The following NXNL1 variants were observed in gnomAD, a reference collection of about 807,000 sequenced individuals.
The protein encoded by NXNL1 is nucleoredoxin-like protein 1.
In NXNL1, 6 loss-of-function variants were observed where a neutral mutation model predicts 7.2. The observed-to-expected ratio is 0.83, with a 90% CI of 0.46 to 1.64. The LOEUF (loss-of-function observed/expected upper bound fraction) is 1.64, where lower values mean the gene tolerates loss of function less well. Among genes scored for constraint, NXNL1 ranks in the 40% most tolerant of loss-of-function variants. The pLI is 0.01. For missense variants in NXNL1, 308 were observed against 285.1 expected (o/e 1.08, Z -0.58); for synonymous variants, 133 against 127.2 (o/e 1.05, Z -0.31).
chr19:17,458,075 T>C (rs2074999274), intron 1 of NXNL1, among the ~76,000 whole-genome samples: 1 of 152,186 alleles, frequency 6.6e-6, no homozygotes, highest in Non-Finnish European at 1.5e-5. Context: ...AGACAAAGTG[T>C]ATATGTGTCT....
In NXNL1 at chr19:17,455,648, C is replaced by A; in HGVS notation, c.638G>T (p.Ter213LeuextTer12). Reference protein sequence around the residue: ...GEEGGAGGLF* With the variant: ...GEEGGAGGLFL ...ACTCCTCTCCTCCACCCTAGCGGGT[C>A]AGAACAGCCCCCCGGCCCCGCCCTC... The change falls in exon 2 of 2, where the codon TGA (stop) becomes TTA (leucine). Residue 213 changes from the stop codon to leucine, a stop_lost. Coordinates refer to ENST00000301944, the MANE Select transcript of NXNL1 (RefSeq NM_138454.2). 2 of 1,356,652 alleles carry A rather than the reference C, an allele frequency of 1.5e-6. No homozygotes were observed. Among genetic ancestry groups the A allele is most frequent in the South Asian group, 1.3e-5 (1 of 79,886 alleles). The allele number at this position is 1,356,652 out of a possible 1,614,324, so 84.0% of individuals were successfully genotyped here.
rs147394576 is a variant in NXNL1 at position 17,460,834 on chromosome 19, G to T, written c.36C>A (p.Arg12=). The T allele has an allele frequency of 2.3e-4, 375 of 1,613,756 alleles. No individual in the cohort carries two copies. Among genetic ancestry groups the T allele is most frequent in the Middle Eastern group, 8.2e-4 (5 of 6,062 alleles). ...ASLFSGRILI[R]NNSDQDELDT... ...CCAGCTCGTCCTGGTCGCTATTGTT[G>T]CGGATCAGGATGCGGCCAGAGAACA... is the stretch of plus-strand genomic sequence containing the variant. Residue 12 remains arginine (R), a synonymous_variant, in exon 1 of 2, where the codon CGC becomes CGA. Transcript: ENST00000301944.
intron 1 of NXNL1, among the ~76,000 whole-genome samples, chr19:17,459,113 T>C (rs1005270920): frequency 6.6e-6 from 1 of 152,148 alleles, no homozygotes; most frequent in Non-Finnish European, 1.5e-5. Context: ...TGTTCTAATG[T>C]CCACCATGGC....
intron 1 of NXNL1, among the ~76,000 whole-genome samples, chr19:17,456,307 C>CAAATAAATAAATAAAT (rs79711612): frequency 0.13 from 18,117 of 140,246 alleles, 1,335 homozygotes; most frequent in Non-Finnish European, 0.15. Context: ...CCTGTCTCTA[C>CAAATAAATAAATAAAT]AAATAAATAA....
chr19:17,457,029 G>A (rs1040130537), intron 1 of NXNL1, among the ~76,000 whole-genome samples: 1 of 150,496 alleles, frequency 6.6e-6, no homozygotes, highest in African/African-American at 2.4e-5. Flanking sequence ...CAGCCTGGGC[G>A]AAGATACTCC....
rs768988539 is a variant in NXNL1 at position 17,460,575 on chromosome 19, G to A, written c.295C>T (p.Leu99Phe). Residue 99 changes from leucine to phenylalanine, a missense_variant, in exon 1 of 2, where the codon CTT becomes TTT. By Grantham distance (22) the Leu-to-Phe change is conservative. Transcript: ENST00000301944. ...AGATCATCCTCAAAGGGCAGGAAAA[G>A]CCATTTCTTTGGCATGTCCTTGAGG... ...LFLKDMPKKW[L>F]FLPFEDDLRR... is the part of the protein sequence containing the mutation. 8 of 1,603,274 alleles carry A rather than the reference G, an allele frequency of 5.0e-6. No homozygotes were observed. The highest frequency in any genetic ancestry group is 1.1e-5 in the South Asian group (1 of 91,086).
At chr19:17,458,623 A>G (rs1325762490) in intron 1 of NXNL1, among the ~76,000 whole-genome samples, 1 of 103,214 alleles carries the variant, frequency 9.7e-6, no homozygotes, top group Admixed American at 1.3e-4. Flanking sequence ...TTTTTTTGAG[A>G]CAGAGTCTTG....
In NXNL1 at chr19:17,455,440, C is replaced by T; in HGVS notation, c.*207G>A. On this transcript the variant is annotated 3_prime_UTR_variant, in exon 2 of 2. Coordinates refer to ENST00000301944, the MANE Select transcript of NXNL1 (RefSeq NM_138454.2). Reference sequence around the variant, plus strand: ...CACCTCAGCCTTCAGGGTAGCTAAGCCACAGGTGCGCGCCACCACACCGGG... The same window carrying T: ...CACCTCAGCCTTCAGGGTAGCTAAGTCACAGGTGCGCGCCACCACACCGGG... 3.5e-6 allele frequency: 2 copies of T among 578,026 alleles called. No homozygotes were observed. Among genetic ancestry groups the T allele is most frequent in the Non-Finnish European group, 6.1e-6 (2 of 326,000 alleles). 35.8% of individuals were successfully genotyped at this position (578,026 alleles called of 1,614,324 possible). A position where few individuals can be genotyped will look rare whatever the true frequency, so the allele number is the denominator to read the frequency against.
Position 17,460,740 on chromosome 19 carries a change from A to C in NXNL1, c.130T>G (p.Cys44Gly), listed in dbSNP as rs1599627846. 6.2e-6 allele frequency: 10 copies of C among 1,613,804 alleles called. No individual in the cohort carries two copies. Among genetic ancestry groups the C allele is most frequent in the African/African-American group, 1.3e-5 (1 of 75,052 alleles). The change falls in exon 1 of 2, where the codon TGT becomes GGT. Residue 44 changes from cysteine to glycine, a missense_variant. Cys to Gly is a radical substitution (Grantham distance 159, BLOSUM62 -3). Transcript: ENST00000301944. ...LVLLFFGAGA[C>G]PQCQAFVPIL... ...GGCACGAAGGCCTGGCACTGTGGACAAGCCCCAGCACCAAAGAACAGCAGC... is the reference window on the plus strand; with the variant it reads ...GGCACGAAGGCCTGGCACTGTGGACCAGCCCCAGCACCAAAGAACAGCAGC...
At chr19:17,456,928 A>C (rs2144515385) in intron 1 of NXNL1, among the ~76,000 whole-genome samples, 1 of 152,186 alleles carries the variant, frequency 6.6e-6, no homozygotes, top group East Asian at 1.9e-4. Flanking sequence ...AGGCGCCTGT[A>C]GTCCCAGCTA....
intron 1 of NXNL1, among the ~76,000 whole-genome samples, chr19:17,459,176 C>T (rs897324909): frequency 2.6e-5 from 4 of 152,020 alleles, no homozygotes; most frequent in African/African-American, 9.7e-5. Context: ...CTCTGCACCA[C>T]AGACCTGTCA....
Position 17,455,878 on chromosome 19 carries a change from G to C in NXNL1, c.408C>G (p.Asp136Glu). The change falls in exon 2 of 2, where the codon GAC becomes GAG. Residue 136 changes from aspartate (D) to glutamate (E), a missense_variant. Asp to Glu is a conservative substitution (Grantham distance 45). Coordinates refer to ENST00000301944, the MANE Select transcript of NXNL1 (RefSeq NM_138454.2). ...LKPDGDVLTR[D>E]GADEIQRLGT... ...CCAGGCGCTGGATCTCGTCGGCGCCGTCGCGAGTGAGCACGTCCCCGTCCG... is the reference window on the plus strand; with the variant it reads ...CCAGGCGCTGGATCTCGTCGGCGCCCTCGCGAGTGAGCACGTCCCCGTCCG... The C allele has an allele frequency of 6.3e-7, 1 of 1,591,238 alleles. No individual in the cohort carries two copies. Among genetic ancestry groups the C allele is most frequent in the South Asian group, 1.1e-5 (1 of 90,046 alleles).
intron 1 of NXNL1, among the ~76,000 whole-genome samples, chr19:17,458,546 C>T (rs2144516960): frequency 6.7e-6 from 1 of 149,456 alleles, no homozygotes; most frequent in African/African-American, 2.5e-5. Context: ...AGCTATAATA[C>T]TGTTTCATTG....
intron 1 of NXNL1, among the ~76,000 whole-genome samples, chr19:17,457,414 C>T (rs1291404304): frequency 6.6e-6 from 1 of 151,970 alleles, no homozygotes. Context: ...ATCTGTCACC[C>T]AGGCTAGAGT....
chr19:17,460,470 T>C, intron 1 of NXNL1, 74 bp downstream of exon 1: 2 of 1,499,978 alleles, frequency 1.3e-6, no homozygotes, highest in Admixed American at 3.6e-5. Flanking sequence ...GCTCATTCAC[T>C]CTAGTTAGAA....
Position 17,455,671 on chromosome 19 carries a change from C to CCCCCA in NXNL1, c.614_615insTGGGG (p.Glu205AspfsTer61), listed in dbSNP as rs2144513959. 1.2e-5 allele frequency: 13 copies of CCCCCA among 1,079,732 alleles called. No individual in the cohort carries two copies. The highest frequency in any genetic ancestry group is 2.7e-5 in the East Asian group (1 of 37,504). The allele number at this position is 1,079,732 out of a possible 1,614,324, so 66.9% of individuals were successfully genotyped here. ...GTCAGAACAGCCCCCCGGCCCCGCC[C>CCCCCA]TCCTCCCCACCCCCTCCCCCGGGGT... On this transcript the variant is annotated frameshift_variant, in exon 2 of 2. Coordinates refer to ENST00000301944, the MANE Select transcript of NXNL1 (RefSeq NM_138454.2). LOFTEE classifies it high-confidence loss of function.
chr19:17,456,875 C>T (rs1426289168), intron 1 of NXNL1, among the ~76,000 whole-genome samples: 2 of 151,706 alleles, frequency 1.3e-5, no homozygotes, highest in East Asian at 1.9e-4. Context: ...GGTGAAACCC[C>T]GTCTCTACTA....
intron 1 of NXNL1, among the ~76,000 whole-genome samples, chr19:17,456,597 G>C (rs1027798148): frequency 1.3e-5 from 2 of 152,136 alleles, no homozygotes; most frequent in African/African-American, 4.8e-5. Flanking sequence ...AATTTCTCCT[G>C]CTTGGCCGGC....
intron 1 of NXNL1, among the ~76,000 whole-genome samples, chr19:17,458,029 TGC>T (rs1296921925): frequency 2.0e-5 from 3 of 152,122 alleles, no homozygotes; most frequent in Non-Finnish European, 4.4e-5. Flanking sequence ...TATACACGTA[TGC>T]ATATACGTGT....
Sources: gnomAD v4.1 joint callset for allele counts (sites outside exome capture counted in the v4.1 genomes callset) on GRCh38, gnomAD v4.1.1 for gene constraint, MANE v1.5 for transcripts, NCBI Gene and HGNC (gene_info 2026-07-23, HGNC 2026-07-21) for gene names.